The following IFNAR1 variants were observed in gnomAD, a reference collection of about 807,000 sequenced individuals.
IFNAR1 encodes the protein interferon alpha and beta receptor subunit 1.
Under a neutral mutation model 62.1 loss-of-function variants are expected in IFNAR1, and 47 were observed. The observed-to-expected ratio is 0.76, with a 90% CI of 0.60 to 0.97. The LOEUF (loss-of-function observed/expected upper bound fraction) is 0.97, where lower values mean the gene tolerates loss of function less well. IFNAR1 is among the 50% of genes least tolerant of loss of function. The pLI, the probability that IFNAR1 is intolerant of heterozygous loss-of-function variation, is 0.00. For missense variants in IFNAR1, 638 were observed against 654.5 expected, an observed-to-expected ratio of 0.97 and a Z score of 0.27; for synonymous variants, 219 against 226.9, an observed-to-expected ratio of 0.97 and a Z score of 0.31.
intron 1 of IFNAR1, among the ~76,000 whole-genome samples, chr21:33,329,839 A>G (rs1172017277): frequency 6.6e-6 from 1 of 152,122 alleles, no homozygotes; most frequent in African/African-American, 2.4e-5. Context: ...CTAGTTGGAG[A>G]TTTATGTTTA....
At chr21:33,338,386 TC>T (rs11318126) in intron 2 of IFNAR1, among the ~76,000 whole-genome samples, 152,088 of 152,090 alleles carry the variant, frequency 1, 76,043 homozygotes, top group Middle Eastern at 1. Flanking sequence ...TACAAAAACT[TC>T]AGCCGGATGT....
chr21:33,339,581 C>T (rs2083274877), intron 2 of IFNAR1, among the ~76,000 whole-genome samples: 1 of 152,110 alleles, frequency 6.6e-6, no homozygotes, highest in Non-Finnish European at 1.5e-5. Flanking sequence ...AAGATAGTTT[C>T]TCTGCTACTT....
chr21:33,325,157 G>C, intron 1 of IFNAR1, 26 bp downstream of exon 1: 1 of 1,597,846 alleles, frequency 6.3e-7, no homozygotes, highest in Non-Finnish European at 8.5e-7. Flanking sequence ...GAGAGTCTTG[G>C]CGCAGGGCGG....
intron 10 of IFNAR1, among the ~76,000 whole-genome samples, chr21:33,354,674 T>C (rs2083431239): frequency 6.6e-6 from 1 of 152,174 alleles, no homozygotes; most frequent in Admixed American, 6.5e-5. Flanking sequence ...AACCATGTGC[T>C]CATCTAGGGT....
rs2257167 is a variant in IFNAR1 at position 33,343,393 on chromosome 21, G to C, written c.502G>C (p.Val168Leu). ...TGGTTTAAGCTTTACATATAGCTTA[G>C]TTATCTGGAAAAACTCTTCAGGTGT... ...LDGLSFTYSLVIWKNSSGVEE... is the reference protein window; with the variant it reads ...LDGLSFTYSLLIWKNSSGVEE... The change falls in exon 4 of 11, where the codon GTT becomes CTT. Residue 168 changes from valine to leucine, a missense_variant. Coordinates refer to ENST00000270139, the MANE Select transcript of IFNAR1 (RefSeq NM_000629.3). The C allele has an allele frequency of 0.15, 243,434 of 1,610,902 alleles. 21,248 individuals are homozygous for C. Among genetic ancestry groups the C allele is most frequent in the East Asian group, 0.33 (14,957 of 44,826 alleles).
At position 33,324,971 on chromosome 21, in the gene IFNAR1, G is replaced by C; in HGVS notation, c.-85G>C. The stretch of plus-strand genomic sequence containing the variant: ...GGGGCAGCGCGTGTGCAGAGGGGCG[G>C]TGTGACTTAGGACGGGGCGATGGCG... On this transcript the variant is annotated 5_prime_UTR_variant, in exon 1 of 11. Transcript: ENST00000270139. 8.0e-7 allele frequency: 1 copy of C among 1,245,008 alleles called. No individual in the cohort carries two copies. Among genetic ancestry groups the C allele is most frequent in the South Asian group, 1.3e-5 (1 of 76,140 alleles). The allele number at this position is 1,245,008 out of a possible 1,614,324, so 77.1% of individuals were successfully genotyped here.
At chr21:33,352,602 CAAAAA>C (rs564455304) in intron 8 of IFNAR1, among the ~76,000 whole-genome samples, 151 bp from the exon 9 acceptor site, 108 of 142,150 alleles carry the variant, frequency 7.6e-4, no homozygotes, top group African/African-American at 3.1e-3. Context: ...GACTGTCTCA[CAAAAA>C]AAACAAAACA....
At chr21:33,331,850 A>C (rs1384928570) in intron 1 of IFNAR1, among the ~76,000 whole-genome samples, 1 of 152,152 alleles carries the variant, frequency 6.6e-6, no homozygotes, top group Non-Finnish European at 1.5e-5. Context: ...TAGTCAGGCC[A>C]GTGCTATGCC....
Position 33,343,522 on chromosome 21 carries a change from A to G in IFNAR1, c.532-13A>G. The G allele has an allele frequency of 6.5e-7, 1 of 1,529,118 alleles. No individual in the cohort carries two copies. The highest frequency in any genetic ancestry group is 9.0e-7 in the Non-Finnish European group (1 of 1,110,928). 94.7% of individuals were successfully genotyped at this position (1,529,118 alleles called of 1,614,324 possible). A position where few individuals can be genotyped will look rare whatever the true frequency, so the allele number is the denominator to read the frequency against. On this transcript the variant is annotated splice_polypyrimidine_tract_variant and intron_variant, in intron 4 of 10. Coordinates refer to ENST00000270139, the MANE Select transcript of IFNAR1 (RefSeq NM_000629.3). ...ATACTTTTTTAAAGAACCAACTTAT[A>G]TTTGTGTTATAGGAAAGGATTGAAA... is the stretch of plus-strand genomic sequence containing the variant.
chr21:33,344,538 G>A (rs1377555234), intron 5 of IFNAR1, among the ~76,000 whole-genome samples: 1 of 151,810 alleles, frequency 6.6e-6, no homozygotes, highest in Non-Finnish European at 1.5e-5. Flanking sequence ...TTGCTTAGCA[G>A]TTTGTGTATA....
Position 33,358,880 on chromosome 21 carries a change from C to T in IFNAR1, c.*3331C>T, listed in dbSNP as rs2083474621. On this transcript the variant is annotated 3_prime_UTR_variant, in exon 11 of 11. Coordinates refer to ENST00000270139, the MANE Select transcript of IFNAR1 (RefSeq NM_000629.3). ...ATAAAACTTAGAGTTTTTATCTTCC[C>T]CTAAAAGAGGCCGTGATATTTGCAG... 1 of 151,724 alleles carries T rather than the reference C, an allele frequency of 6.6e-6. No homozygotes were observed. Among genetic ancestry groups the T allele is most frequent in the South Asian group, 2.1e-4 (1 of 4,814 alleles). The allele number at this position is 151,724 out of a possible 1,614,324, so 9.4% of individuals were successfully genotyped here. A position where few individuals can be genotyped will look rare whatever the true frequency, so the allele number is the denominator to read the frequency against.
At chr21:33,324,916 G>A, upstream of IFNAR1, 2 of 636,166 alleles carry the variant, frequency 3.1e-6, no homozygotes, top group Non-Finnish European at 2.7e-6. Context: ...AAGAGGCGGC[G>A]CGTGCGTAGA....
At chr21:33,353,262 G>A (rs1439590181) in intron 9 of IFNAR1, among the ~76,000 whole-genome samples, 2 of 152,124 alleles carry the variant, frequency 1.3e-5, no homozygotes, top group Admixed American at 1.3e-4. Context: ...GTTTTTTAAT[G>A]TGGGAATTGG....
chr21:33,324,681 G>T (rs1403338476), upstream of IFNAR1: 7 of 235,324 alleles, frequency 3.0e-5, no homozygotes, highest in Non-Finnish European at 6.0e-5. Flanking sequence ...TCCTGTGAGG[G>T]GGAGTCGTCC....
At position 33,342,786 on chromosome 21, in the gene IFNAR1, G is replaced by A. The variant is rs2083305892; in HGVS notation, c.377-482G>A. Among the ~76,000 whole-genome samples, 7 of 152,044 alleles carry A rather than the reference G, an allele frequency of 4.6e-5. No individual in the cohort carries two copies. In the South Asian group the frequency reaches 1.5e-3, roughly 32 times the overall value. ...GCAGGAGAATGACATGAACCCGGGAGGCGGAGCTTGCAGTGAGCCGAGATC... is the reference window on the plus strand; with the variant it reads ...GCAGGAGAATGACATGAACCCGGGAAGCGGAGCTTGCAGTGAGCCGAGATC... On this transcript the variant is annotated intron_variant, in intron 3 of 10. Coordinates refer to ENST00000270139, the MANE Select transcript of IFNAR1 (RefSeq NM_000629.3).
rs1477884579 is a variant in IFNAR1, at chr21:33,359,485, G to A, written c.*3936G>A. ...TGTCCCCAGAGCCTGTGGAGATAGA[G>A]CCTGTTTGCTGCTTTTTCTTCCCGC... On this transcript the variant is annotated 3_prime_UTR_variant, in exon 11 of 11. Coordinates refer to ENST00000270139, the MANE Select transcript of IFNAR1 (RefSeq NM_000629.3). 6.6e-6 allele frequency: 1 copy of A among 152,222 alleles called. No individual in the cohort carries two copies. The highest frequency in any genetic ancestry group is 2.4e-5 in the African/African-American group (1 of 41,452). 9.4% of individuals were successfully genotyped at this position (152,222 alleles called of 1,614,324 possible).
chr21:33,328,771 T>C (rs2083150727), intron 1 of IFNAR1, among the ~76,000 whole-genome samples: 1 of 152,164 alleles, frequency 6.6e-6, no homozygotes, highest in Non-Finnish European at 1.5e-5. Flanking sequence ...GTAAACCATT[T>C]TGGTCGTGAA....
intron 6 of IFNAR1, 83 bp from the exon 7 acceptor site, chr21:33,349,007 TA>T (rs777338542): frequency 1.1e-5 from 9 of 790,976 alleles, no homozygotes; most frequent in African/African-American, 1.8e-5. Flanking sequence ...TTTATTTCTG[TA>T]ACCTTAGCCC....
At chr21:33,324,938 A>C (rs1033223481), upstream of IFNAR1, 17 of 812,682 alleles carry the variant, frequency 2.1e-5, no homozygotes, top group African/African-American at 2.4e-4. Flanking sequence ...GGGCGGTGAG[A>C]GCTAAGAGGG....
Sources: gnomAD v4.1 joint callset for allele counts (sites outside exome capture counted in the v4.1 genomes callset) on GRCh38, gnomAD v4.1.1 for gene constraint, MANE v1.5 for transcripts, NCBI Gene and HGNC (gene_info 2026-07-23, HGNC 2026-07-21) for gene names.